Variants in NME7 observed in about 807,000 individuals in gnomAD.
The protein encoded by NME7 is nucleoside diphosphate kinase 7.
In NME7, 41 loss-of-function variants were observed where a neutral mutation model predicts 49.1. The observed-to-expected ratio is 0.83, with a 90% CI of 0.65 to 1.08. NME7 has a LOEUF of 1.08. NME7 is among the 50% of genes least tolerant of loss of function. The pLI is 0.00. For synonymous variants in NME7, 139 were observed against 150.6 expected (o/e 0.92, Z 0.56); for missense variants, 423 against 463.4 (o/e 0.91, Z 0.80).
Position 169,342,549 on chromosome 1 carries a change from A to ATATATACAAGTACATATATATAG in NME7, c.4-18050_4-18049insCTATATATATGTACTTGTATATA, listed in dbSNP as rs1374085046. On this transcript the variant is annotated intron_variant, in intron 1 of 11. Coordinates refer to ENST00000367811, the MANE Select transcript of NME7 (RefSeq NM_013330.5). ...ATATACAAGTACATATATATAGTAT[A>ATATATACAAGTACATATATATAG]TATATATATACAAGTACATATATAT... 8.9e-5 allele frequency among the ~76,000 whole-genome samples: 11 copies of ATATATACAAGTACATATATATAG among 123,516 alleles called. 2 individuals carry two copies. The highest frequency in any genetic ancestry group is 3.1e-4 in the African/African-American group (11 of 35,012). The allele number at this position is 123,516 out of a possible 152,430, so 81.0% of individuals were successfully genotyped here. A position where few individuals can be genotyped will look rare whatever the true frequency, so the allele number is the denominator to read the frequency against.
At chr1:169,299,947 G>T (rs59000970) in intron 5 of NME7, among the ~76,000 whole-genome samples, 1 of 151,832 alleles carries the variant, frequency 6.6e-6, no homozygotes, top group Non-Finnish European at 1.5e-5. Context: ...ACATATCAGC[G>T]TCTGTGCCAC....
chr1:169,227,450 G>A (rs1271722024), intron 10 of NME7, among the ~76,000 whole-genome samples: 2 of 152,060 alleles, frequency 1.3e-5, no homozygotes, highest in Non-Finnish European at 2.9e-5. Flanking sequence ...GGCAATTTAT[G>A]GAGAAAATAA....
rs147326794 is a variant in NME7, at chr1:169,176,276, T to G, written c.991-6722A>C. 8.5e-5 allele frequency among the ~76,000 whole-genome samples: 13 copies of G among 152,318 alleles called. No homozygotes were observed. In the East Asian group the frequency reaches 2.5e-3, roughly 29 times the overall value. ...TAAGTCTAAGGATCCTTCTAGAACC[T>G]ATGCATAGGCTTTAGAAAGAGTAAT... is the stretch of plus-strand genomic sequence containing the variant. On this transcript the variant is annotated intron_variant, in intron 10 of 11. Transcript: ENST00000367811.
intron 7 of NME7, among the ~76,000 whole-genome samples, chr1:169,279,693 A>T (rs1027986514): frequency 6.6e-6 from 1 of 152,172 alleles, no homozygotes; most frequent in Non-Finnish European, 1.5e-5. Flanking sequence ...CGCTGCACCC[A>T]CTGTCCTGCG....
intron 1 of NME7, among the ~76,000 whole-genome samples, chr1:169,329,678 C>T (rs1235137132): frequency 6.6e-6 from 1 of 151,826 alleles, no homozygotes; most frequent in Non-Finnish European, 1.5e-5. Context: ...ACATGAAGCA[C>T]ACCTATAGGA....
At chr1:169,312,976 G>T (rs989852523) in intron 3 of NME7, among the ~76,000 whole-genome samples, 2 of 152,020 alleles carry the variant, frequency 1.3e-5, no homozygotes, top group Non-Finnish European at 2.9e-5. Flanking sequence ...CTCATACTTT[G>T]TTTACAAGCA....
At chr1:169,203,500 A>G (rs1660601576) in intron 10 of NME7, among the ~76,000 whole-genome samples, 1 of 152,028 alleles carries the variant, frequency 6.6e-6, no homozygotes, top group Non-Finnish European at 1.5e-5. Context: ...AGACTGCAAC[A>G]CCATGTTCAC....
chr1:169,151,843 G>A (rs1232916930), intron 11 of NME7, among the ~76,000 whole-genome samples: 1 of 151,996 alleles, frequency 6.6e-6, no homozygotes, highest in South Asian at 2.1e-4. Context: ...TCCTCCCTCG[G>A]GTTCATTGCC....
Position 169,324,374 on chromosome 1 carries a change from C to A in NME7, c.111+19G>T, listed in dbSNP as rs1366897898. 1 of 1,531,610 alleles carries A rather than the reference C, an allele frequency of 6.5e-7. No individual in the cohort carries two copies. The highest frequency in any genetic ancestry group is 9.0e-7 in the Non-Finnish European group (1 of 1,108,126). 94.9% of individuals were successfully genotyped at this position (1,531,610 alleles called of 1,614,324 possible). On this transcript the variant is annotated intron_variant, in intron 2 of 11. Coordinates refer to ENST00000367811, the MANE Select transcript of NME7 (RefSeq NM_013330.5). ...TTCACCCCCTTTGCCAACATTCAAG[C>A]AAAGAAAGGCTTATTTACCATTTCA...
In NME7 at chr1:169,278,158, A is replaced by G. The variant is rs199910996; in HGVS notation, c.754+9145T>C. 5.4e-3 allele frequency among the ~76,000 whole-genome samples: 808 copies of G among 150,610 alleles called. 25 individuals are homozygous for G. The South Asian group carries it at 0.059, about 11-fold the overall frequency. On this transcript the variant is annotated intron_variant, in intron 7 of 11. Coordinates refer to ENST00000367811, the MANE Select transcript of NME7 (RefSeq NM_013330.5). ...TTCAACTTTGGTGAATCTGACAATT[A>G]TATGTCTTGGAGTTGCTCTTCTCGA... is the stretch of plus-strand genomic sequence containing the variant.
chr1:169,321,604 G>C (rs181223887), intron 3 of NME7, among the ~76,000 whole-genome samples: 25 of 152,142 alleles, frequency 1.6e-4, no homozygotes, highest in Non-Finnish European at 3.2e-4. Context: ...ATTTCAAAGA[G>C]AGTCTTTGGT....
rs886629691 is a variant in NME7, at chr1:169,309,578, T to C, written c.389+392A>G. 2.6e-5 allele frequency among the ~76,000 whole-genome samples: 4 copies of C among 152,170 alleles called. No individual in the cohort carries two copies. In the South Asian group the frequency reaches 8.3e-4, roughly 32 times the overall value. ...CCAATTTCCAGAAAAGACATGCATA[T>C]TGCTCCTCTTGCTTTTCATGTCCTT... On this transcript the variant is annotated intron_variant, in intron 4 of 11. Transcript: ENST00000367811.
chr1:169,166,075 C>T (rs1659405360), intron 11 of NME7, among the ~76,000 whole-genome samples: 1 of 152,084 alleles, frequency 6.6e-6, no homozygotes, highest in Non-Finnish European at 1.5e-5. Flanking sequence ...ACAATATGAA[C>T]AAAATCATAG....
chr1:169,247,797 TA>T, intron 7 of NME7, among the ~76,000 whole-genome samples: 1 of 152,308 alleles, frequency 6.6e-6, no homozygotes, highest in Non-Finnish European at 1.5e-5. Flanking sequence ...CCATCCAAGT[TA>T]CTGCAAAACA....
chr1:169,273,682 A>C (rs2101877002), intron 7 of NME7, among the ~76,000 whole-genome samples: 1 of 126,594 alleles, frequency 7.9e-6, no homozygotes, highest in South Asian at 2.5e-4. Context: ...TCATTGTTCA[A>C]TTCCCATCTA....
Position 169,265,369 on chromosome 1 carries a change from C to T in NME7, c.754+21934G>A, listed in dbSNP as rs187547679. 7.5e-5 allele frequency among the ~76,000 whole-genome samples: 10 copies of T among 133,784 alleles called. 3 individuals are homozygous for T. In the East Asian group the frequency reaches 1.4e-3, roughly 19 times the overall value. The allele number at this position is 133,784 out of a possible 152,430, so 87.8% of individuals were successfully genotyped here. On this transcript the variant is annotated intron_variant, in intron 7 of 11. Transcript: ENST00000367811. ...AATTGCATGGAAATTAAACAACCTG[C>T]TCCTGAATGACTCTTAGGTAAATAA...
intron 10 of NME7, among the ~76,000 whole-genome samples, chr1:169,183,889 A>G (rs1386649234): frequency 1.3e-5 from 2 of 152,318 alleles, no homozygotes; most frequent in East Asian, 1.9e-4. Flanking sequence ...AAATCAGAAT[A>G]TGCCATTTCT....
intron 7 of NME7, among the ~76,000 whole-genome samples, chr1:169,278,873 T>G (rs538766654): frequency 6.6e-6 from 1 of 152,114 alleles, no homozygotes; most frequent in Non-Finnish European, 1.5e-5. Context: ...GTGTGGATGT[T>G]CTTTCTGTTT....
At chr1:169,207,443 T>A (rs1038276763) in intron 10 of NME7, among the ~76,000 whole-genome samples, 1 of 152,050 alleles carries the variant, frequency 6.6e-6, no homozygotes, top group African/African-American at 2.4e-5. Context: ...GCCATAGGGG[T>A]CTGTAGACAT....
Sources: allele counts gnomAD v4.1 joint callset (sites outside exome capture counted in the v4.1 genomes callset), GRCh38; gene constraint gnomAD v4.1.1; transcripts MANE v1.5; gene names NCBI Gene and HGNC (gene_info 2026-07-23, HGNC 2026-07-21).